KDM5B: variants seen among roughly 807,000 people sequenced by gnomAD.
The protein encoded by KDM5B is lysine demethylase 5B, also known as lysine-specific demethylase 5B.
A neutral mutation model predicts 193.4 loss-of-function variants in KDM5B; 144 were observed. The ratio of observed to expected loss-of-function variants is 0.74; its 90% CI spans 0.65 to 0.86. The LOEUF is 0.86. Among genes scored for constraint, KDM5B ranks in the 40% least tolerant of loss-of-function variants. KDM5B has a pLI of 0.00. For synonymous variants in KDM5B, 668 were observed against 682.6 expected (o/e 0.98, Z 0.33); for missense variants, 1,833 against 1,886.9 (o/e 0.97, Z 0.53).
At position 202,801,191 on chromosome 1, in the gene KDM5B, T is replaced by A. The variant is rs529202082; in HGVS notation, c.204+6911A>T. On this transcript the variant is annotated intron_variant, in intron 1 of 26. Coordinates refer to ENST00000367265, the MANE Select transcript of KDM5B (RefSeq NM_006618.5). ...TCACATTTTTTGTAATAAAATTTTT[T>A]AATTTACTCCCTGAAGTGACGGGTC... Among the ~76,000 whole-genome samples, 52 of 152,324 alleles carry A rather than the reference T, an allele frequency of 3.4e-4. No homozygotes were observed. In the South Asian group the frequency reaches 6.4e-3, roughly 19 times the overall value.
chr1:202,745,822 T>G, intron 16 of KDM5B, 36 bp downstream of exon 16: 1 of 1,612,384 alleles, frequency 6.2e-7, no homozygotes, highest in Non-Finnish European at 8.5e-7. Flanking sequence ...TAAGCCCCAA[T>G]TTGCCAATCA....
chr1:202,797,561 T>C (rs546382514), intron 1 of KDM5B, among the ~76,000 whole-genome samples: 234 of 152,374 alleles, frequency 1.5e-3, no homozygotes, highest in African/African-American at 5.3e-3. Context: ...GTAAACATTT[T>C]TCCTGCCACT....
intron 7 of KDM5B, 55 bp downstream of exon 7, chr1:202,762,644 A>C (rs1302091968): frequency 9.9e-7 from 1 of 1,009,874 alleles, no homozygotes; most frequent in Non-Finnish European, 1.6e-6. Flanking sequence ...GATTAAAGAA[A>C]GGAAGGGAAG....
At chr1:202,765,262 C>T (rs983540857) in intron 5 of KDM5B, among the ~76,000 whole-genome samples, 1 of 152,116 alleles carries the variant, frequency 6.6e-6, no homozygotes, top group Non-Finnish European at 1.5e-5. Context: ...CATCACTAAA[C>T]TATTAAGGGC....
chr1:202,777,167 A>C, intron 1 of KDM5B, 73 bp from the exon 2 acceptor site: 2 of 1,168,806 alleles, frequency 1.7e-6, no homozygotes, highest in Non-Finnish European at 2.6e-6. Flanking sequence ...TTTAAAATTA[A>C]AACCCAGGTT....
chr1:202,805,769 T>C (rs1343211265), intron 1 of KDM5B, among the ~76,000 whole-genome samples: 1 of 152,244 alleles, frequency 6.6e-6, no homozygotes, highest in Non-Finnish European at 1.5e-5. Flanking sequence ...TTAAGAAGCC[T>C]TTGTTCCAAC....
Position 202,725,313 on chromosome 1 carries a change from A to C in KDM5B, c.*3723T>G, listed in dbSNP as rs1247692226. The stretch of plus-strand genomic sequence containing the variant: ...GTGAAAATATACACTTTACAAATTG[A>C]TTCTTTACATCTTGAAGATGGATTT... On this transcript the variant is annotated 3_prime_UTR_variant, in exon 27 of 27. Transcript: ENST00000367265. 6.6e-6 allele frequency: 1 copy of C among 152,254 alleles called. No homozygotes were observed. Among genetic ancestry groups the C allele is most frequent in the Non-Finnish European group, 1.5e-5 (1 of 68,038 alleles). 9.4% of individuals were successfully genotyped at this position (152,254 alleles called of 1,614,324 possible).
chr1:202,771,676 G>C (rs1408647499), intron 4 of KDM5B, among the ~76,000 whole-genome samples: 2 of 151,896 alleles, frequency 1.3e-5, no homozygotes, highest in African/African-American at 4.8e-5. Flanking sequence ...CTGCCTCCTG[G>C]GTTCAAGTGA....
Position 202,736,225 on chromosome 1 carries a change from A to G in KDM5B, c.3252T>C (p.Tyr1084=). The G allele has an allele frequency of 7.0e-6, 11 of 1,582,502 alleles. No individual in the cohort carries two copies. Among genetic ancestry groups the G allele is most frequent in the Non-Finnish European group, 9.5e-6 (11 of 1,162,676 alleles). Residue 1084 remains tyrosine, a synonymous_variant, in exon 21 of 27, where the codon TAT becomes TAC. Transcript: ENST00000367265. ...VNTFLTENSP[Y]SLLEVLCPRC... ...GTTGTAAACTTACCTCTAAGAGAGAATATGGAGAATTCTCAGTCAAGAATG... is the reference window on the plus strand; with the variant it reads ...GTTGTAAACTTACCTCTAAGAGAGAGTATGGAGAATTCTCAGTCAAGAATG...
intron 9 of KDM5B, among the ~76,000 whole-genome samples, chr1:202,757,875 G>T (rs1005976662): frequency 6.6e-6 from 1 of 152,134 alleles, no homozygotes; most frequent in Non-Finnish European, 1.5e-5. Flanking sequence ...TAAATATCCA[G>T]AATTAAAGCA....
At chr1:202,761,229 G>C (rs1656238023) in intron 7 of KDM5B, among the ~76,000 whole-genome samples, 1 of 152,070 alleles carries the variant, frequency 6.6e-6, no homozygotes, top group African/African-American at 2.4e-5. Flanking sequence ...CTTGAAGCCA[G>C]GAGTTTGAGA....
intron 11 of KDM5B, among the ~76,000 whole-genome samples, chr1:202,754,252 C>T (rs1204581819): frequency 6.6e-6 from 1 of 152,148 alleles, no homozygotes; most frequent in African/African-American, 2.4e-5. Flanking sequence ...CCTAGGGAAG[C>T]AGAATTAATT....
chr1:202,727,024 G>A lies in KDM5B; in HGVS notation c.*2012C>T, dbSNP rs1437845241. 1 of 152,212 alleles carries A rather than the reference G, an allele frequency of 6.6e-6. No individual in the cohort carries two copies. Among genetic ancestry groups the A allele is most frequent in the African/African-American group, 2.4e-5 (1 of 41,436 alleles). 9.4% of individuals were successfully genotyped at this position (152,212 alleles called of 1,614,324 possible). A position where few individuals can be genotyped will look rare whatever the true frequency, so the allele number is the denominator to read the frequency against. ...TTTCTAACTCACTCAGAGATACAAA[G>A]ATCTGACTTCCTCAAAGATGCTATT... On this transcript the variant is annotated 3_prime_UTR_variant, in exon 27 of 27. Transcript: ENST00000367265.
chr1:202,794,767 C>T (rs1657771153), intron 1 of KDM5B, among the ~76,000 whole-genome samples: 1 of 152,126 alleles, frequency 6.6e-6, no homozygotes, highest in Non-Finnish European at 1.5e-5. Context: ...ATTCCAAGAC[C>T]CCCAGTGGAT....
chr1:202,730,212 C>T (rs1654832124), intron 25 of KDM5B, among the ~76,000 whole-genome samples, 185 bp from the exon 26 acceptor site: 1 of 152,186 alleles, frequency 6.6e-6, no homozygotes, highest in Admixed American at 6.5e-5. Context: ...GTTTAACATA[C>T]TTCCTTCCCC....
Position 202,789,744 on chromosome 1 carries a change from C to G in KDM5B, c.205-12650G>C, listed in dbSNP as rs570890435. On this transcript the variant is annotated intron_variant, in intron 1 of 26. Coordinates refer to ENST00000367265, the MANE Select transcript of KDM5B (RefSeq NM_006618.5). ...CCTGTAGTTCCACCTACCTGGGAGG[C>G]TTAAGACAGACAGAGAGAGAGAGCA... Among the ~76,000 whole-genome samples the G allele has an allele frequency of 4.6e-4, 69 of 151,154 alleles. 1 individual carries two copies. Among genetic ancestry groups the G allele is most frequent in the African/African-American group, 1.5e-3 (62 of 41,124 alleles).
At chr1:202,772,093 T>C (rs1656744395) in intron 4 of KDM5B, among the ~76,000 whole-genome samples, 1 of 152,122 alleles carries the variant, frequency 6.6e-6, no homozygotes, top group Non-Finnish European at 1.5e-5. Flanking sequence ...GGACAGGACT[T>C]TGGTTAGTGA....
intron 23 of KDM5B, 77 bp downstream of exon 23, chr1:202,733,324 A>G (rs1654962038): frequency 6.6e-7 from 1 of 1,521,278 alleles, no homozygotes; most frequent in African/African-American, 1.4e-5. Context: ...GAATAGCAAC[A>G]CCAAAGCTAC....
intron 23 of KDM5B, among the ~76,000 whole-genome samples, chr1:202,733,142 A>C (rs1175428856): frequency 6.6e-6 from 1 of 152,258 alleles, no homozygotes; most frequent in Non-Finnish European, 1.5e-5. Flanking sequence ...TAAATGAAAA[A>C]ATTATTTGTA....
Sources: gnomAD v4.1 joint callset for allele counts (sites outside exome capture counted in the v4.1 genomes callset) on GRCh38, gnomAD v4.1.1 for gene constraint, MANE v1.5 for transcripts, NCBI Gene and HGNC (gene_info 2026-07-23, HGNC 2026-07-21) for gene names.